The following TSHZ2 variants were observed in gnomAD, a reference collection of about 807,000 sequenced individuals.
TSHZ2 encodes teashirt homolog 2.
A neutral mutation model predicts 74.4 loss-of-function variants in TSHZ2; 21 were observed. The ratio of observed to expected loss-of-function variants is 0.28; its 90% CI spans 0.20 to 0.41. The LOEUF is 0.41. Ranked by LOEUF, TSHZ2 falls within the 10% of genes least tolerant of loss-of-function variation. The probability of loss-of-function intolerance (pLI) is 1.00; values close to 1 mark genes in which losing one functional copy is unlikely to be tolerated. For synonymous variants in TSHZ2, 540 were observed against 515.3 expected, an observed-to-expected ratio of 1.05 and a Z score of -0.65; for missense variants, 1,244 against 1,293.5, an observed-to-expected ratio of 0.96 and a Z score of 0.59.
intron 2 of TSHZ2, among the ~76,000 whole-genome samples, chr20:53,300,230 A>G (rs1295058969): frequency 2.0e-5 from 3 of 152,004 alleles, no homozygotes; most frequent in Admixed American, 1.3e-4. Flanking sequence ...GGAGAGAGGG[A>G]AAAAAAACTG....
intron 1 of TSHZ2, among the ~76,000 whole-genome samples, chr20:53,046,370 G>A (rs1277224267): frequency 1.3e-5 from 2 of 152,136 alleles, no homozygotes; most frequent in Non-Finnish European, 2.9e-5. Flanking sequence ...CAGGGCACTC[G>A]ATGGTGGCTA....
Position 53,347,293 on chromosome 20 carries a change from G to A in TSHZ2, c.*8+90722G>A, listed in dbSNP as rs140057379. 3.8e-3 allele frequency among the ~76,000 whole-genome samples: 579 copies of A among 152,234 alleles called. 1 individual carries two copies. Among genetic ancestry groups the A allele is most frequent in the Non-Finnish European group, 6.2e-3 (422 of 68,016 alleles). ...GTAGCACTCCCATTCCTGAGTTGTG[G>A]TGACTAAATTTGCCTCAGATTTTGC... On this transcript the variant is annotated intron_variant, in intron 2 of 2. Transcript: ENST00000371497.
chr20:53,250,416 C>T (rs761442096), intron 1 of TSHZ2, among the ~76,000 whole-genome samples: 4 of 152,154 alleles, frequency 2.6e-5, no homozygotes, highest in Non-Finnish European at 5.9e-5. Context: ...TCTCTTGCCC[C>T]AACTGCTGGT....
chr20:53,034,281 A>G (rs1983744431), intron 1 of TSHZ2, among the ~76,000 whole-genome samples: 1 of 152,180 alleles, frequency 6.6e-6, no homozygotes, highest in Admixed American at 6.5e-5. Flanking sequence ...TTTCTCATTT[A>G]CAAGTTATTT....
At chr20:53,109,700 T>C (rs1039232114) in intron 1 of TSHZ2, among the ~76,000 whole-genome samples, 3 of 152,242 alleles carry the variant, frequency 2.0e-5, no homozygotes, top group Non-Finnish European at 2.9e-5. Context: ...GTGGATGTAG[T>C]TGCGGCTGCT....
At chr20:53,282,757 A>G (rs187628238) in intron 2 of TSHZ2, among the ~76,000 whole-genome samples, 13 of 152,324 alleles carry the variant, frequency 8.5e-5, no homozygotes, top group Admixed American at 7.8e-4. Context: ...ATGGCTAGCC[A>G]GTGGCGTCAT....
chr20:53,121,188 G>A (rs1986799840), intron 1 of TSHZ2, among the ~76,000 whole-genome samples: 1 of 152,170 alleles, frequency 6.6e-6, no homozygotes, highest in Admixed American at 6.5e-5. Context: ...TGCTCCATAT[G>A]TGTGTCTGTG....
chr20:53,223,556 T>C (rs1989612350), intron 1 of TSHZ2, among the ~76,000 whole-genome samples: 1 of 152,126 alleles, frequency 6.6e-6, no homozygotes, highest in Non-Finnish European at 1.5e-5. Flanking sequence ...CACTTCAGGC[T>C]ATTTTTTAAA....
chr20:53,475,072 C>T (rs1985950416), intron 2 of TSHZ2, among the ~76,000 whole-genome samples: 1 of 139,072 alleles, frequency 7.2e-6, no homozygotes, highest in Non-Finnish European at 1.5e-5. Context: ...GACTTTAACA[C>T]CCCACTGTCA....
intron 1 of TSHZ2, among the ~76,000 whole-genome samples, chr20:53,203,619 G>C (rs537807799): frequency 6.6e-6 from 1 of 152,240 alleles, no homozygotes; most frequent in Non-Finnish European, 1.5e-5. Context: ...CATCCACACT[G>C]CCTCCCCTAG....
intron 2 of TSHZ2, among the ~76,000 whole-genome samples, chr20:53,308,517 GC>G (rs1978643943): frequency 6.6e-6 from 1 of 152,078 alleles, no homozygotes; most frequent in Non-Finnish European, 1.5e-5. Context: ...CCAGCAAAAG[GC>G]CACCGACACT....
At position 53,074,500 on chromosome 20, in the gene TSHZ2, C is replaced by CA. The variant is rs1985306540; in HGVS notation, c.40+101167_40+101168insA. Among the ~76,000 whole-genome samples, 1 of 152,142 alleles carries CA rather than the reference C, an allele frequency of 6.6e-6. No individual in the cohort carries two copies. The highest frequency in any genetic ancestry group is 2.4e-5 in the African/African-American group (1 of 41,484). On this transcript the variant is annotated intron_variant, in intron 1 of 2. Coordinates refer to ENST00000371497, the MANE Select transcript of TSHZ2 (RefSeq NM_173485.6). This position sits in a 1 kb window ranked among gnomAD's most constrained non-coding sequence, Gnocchi z 5.9. ...CAAATGTGTAAAAGGTAAAGGCAAA[C>CA]CAGATTTTTTTAAAGCTTATGATTG... is the stretch of plus-strand genomic sequence containing the variant.
At chr20:53,361,830 T>C (rs944365547) in intron 2 of TSHZ2, among the ~76,000 whole-genome samples, 7 of 152,246 alleles carry the variant, frequency 4.6e-5, no homozygotes, top group African/African-American at 1.4e-4. Flanking sequence ...AACATTGGTT[T>C]CTAACTCTCT....
intron 1 of TSHZ2, among the ~76,000 whole-genome samples, chr20:53,159,277 A>G (rs1987870940): frequency 6.6e-6 from 1 of 152,212 alleles, no homozygotes; most frequent in Non-Finnish European, 1.5e-5. Flanking sequence ...CATCCTCTAT[A>G]GTGGAGTCAG....
At chr20:53,339,965 A>G (rs2145565789) in intron 2 of TSHZ2, among the ~76,000 whole-genome samples, 1 of 152,286 alleles carries the variant, frequency 6.6e-6, no homozygotes, top group African/African-American at 2.4e-5. Context: ...CAGGCCCAGC[A>G]GGGAACACCT....
At chr20:53,029,725 G>T (rs1448067437) in intron 1 of TSHZ2, among the ~76,000 whole-genome samples, 1 of 152,152 alleles carries the variant, frequency 6.6e-6, no homozygotes, top group East Asian at 1.9e-4. Context: ...TCATATGGAT[G>T]GATGTTGGAA....
chr20:53,160,749 A>C (rs1410252131), intron 1 of TSHZ2, among the ~76,000 whole-genome samples: 1 of 150,764 alleles, frequency 6.6e-6, no homozygotes, highest in Non-Finnish European at 1.5e-5. Context: ...TGTCTCCAAA[A>C]AAAAAAAAAA....
At chr20:53,395,566 T>C (rs1476637424) in intron 2 of TSHZ2, among the ~76,000 whole-genome samples, 2 of 152,256 alleles carry the variant, frequency 1.3e-5, no homozygotes, top group African/African-American at 4.8e-5. Context: ...GTCTTGACAA[T>C]GGAGCTGGAT....
intron 2 of TSHZ2, among the ~76,000 whole-genome samples, chr20:53,312,166 C>T (rs930610789): frequency 1.3e-5 from 2 of 152,124 alleles, no homozygotes; most frequent in African/African-American, 2.4e-5. Context: ...AGGGAAGATG[C>T]GGCGGAGTGC....
Sources: gnomAD v4.1 joint callset for allele counts (sites outside exome capture counted in the v4.1 genomes callset) on GRCh38, gnomAD v4.1.1 for gene constraint, Gnocchi (gnomAD v3.1) non-coding constraint, MANE v1.5 for transcripts, NCBI Gene and HGNC (gene_info 2026-07-23, HGNC 2026-07-21) for gene names.